Variants in HCN2 observed in about 807,000 individuals in gnomAD.
HCN2 encodes the protein hyperpolarization activated cyclic nucleotide gated potassium and sodium channel 2, also known as potassium/sodium hyperpolarization-activated cyclic nucleotide-gated channel 2.
Under a neutral mutation model 52.3 loss-of-function variants are expected in HCN2, and 20 were observed. The observed-to-expected ratio is 0.38, with a 90% CI of 0.27 to 0.56. HCN2 has a LOEUF of 0.56. Ranked by LOEUF, HCN2 falls within the 20% of genes least tolerant of loss-of-function variation. The pLI, the probability that HCN2 is intolerant of heterozygous loss-of-function variation, is 0.71. For missense variants in HCN2, 981 were observed against 1,207.7 expected, an observed-to-expected ratio of 0.81 and a Z score of 2.78; for synonymous variants, 694 against 537.0, an observed-to-expected ratio of 1.29 and a Z score of -4.04.
chr19:591,089 C>T lies in HCN2; in HGVS notation c.632+512C>T, dbSNP rs901231544. 2 of 151,828 alleles carry T rather than the reference C, an allele frequency of 1.3e-5. No individual in the cohort carries two copies. The highest frequency in any genetic ancestry group is 4.8e-5 in the African/African-American group (2 of 41,342). 9.4% of individuals were successfully genotyped at this position (151,828 alleles called of 1,614,324 possible). A position where few individuals can be genotyped will look rare whatever the true frequency, so the allele number is the denominator to read the frequency against. ...AAGCGTGCGGGTCCCCAGGCTGTGT[C>T]CCCGGGAGCCGCTCCACCCGAGCCG... On this transcript the variant is annotated intron_variant, in intron 1 of 7. Transcript: ENST00000251287. The surrounding 1 kb of genome is among the most constrained non-coding windows in gnomAD (Gnocchi z 4.1).
chr19:600,602 C>T (rs1983172426), intron 1 of HCN2, among the ~76,000 whole-genome samples: 1 of 152,030 alleles, frequency 6.6e-6, no homozygotes, highest in Non-Finnish European at 1.5e-5. Context: ...ACCTTTGCCT[C>T]CCAGAGTGCT....
At chr19:615,729 G>C in intron 7 of HCN2, 66 bp from the exon 8 acceptor site, 1 of 1,543,546 alleles carries the variant, frequency 6.5e-7, no homozygotes. Context: ...TGCAGAGTAG[G>C]TGCTCGGTGC....
chr19:609,181 G>A (rs911799187), intron 4 of HCN2, among the ~76,000 whole-genome samples: 12 of 152,176 alleles, frequency 7.9e-5, no homozygotes, highest in Non-Finnish European at 1.0e-4. Context: ...CCCGCCCGCC[G>A]TCACGGGTTC....
chr19:591,581 G>T lies in HCN2; in HGVS notation c.632+1004G>T, dbSNP rs531403077. Among the ~76,000 whole-genome samples the T allele has an allele frequency of 5.3e-5, 8 of 152,234 alleles. No homozygotes were observed. Among genetic ancestry groups the T allele is most frequent in the Admixed American group, 3.3e-4 (5 of 15,304 alleles). On this transcript the variant is annotated intron_variant, in intron 1 of 7. Coordinates refer to ENST00000251287, the MANE Select transcript of HCN2 (RefSeq NM_001194.4). This position sits in a 1 kb window ranked among gnomAD's most constrained non-coding sequence, Gnocchi z 4.1. ...TGTGTGTTTGTGTATCCACGAGTGGGGTGTGAGGTGGGGTGTGGAGGGTGC... is the reference window on the plus strand; with the variant it reads ...TGTGTGTTTGTGTATCCACGAGTGGTGTGTGAGGTGGGGTGTGGAGGGTGC...
rs572742854 is a variant in HCN2 at position 615,969 on chromosome 19, A to C, written c.2165A>C (p.Gln722Pro). Residue 722 changes from glutamine to proline, a missense_variant, in exon 8 of 8, where the codon CAG becomes CCG. Gln to Pro is a moderately conservative substitution (Grantham distance 76). Coordinates refer to ENST00000251287, the MANE Select transcript of HCN2 (RefSeq NM_001194.4). ...TTCCCGCCGCCGCCGCCGCCGCCGCAGGTCACCTCGGCCATCGCCACGCTG... is the reference window on the plus strand; with the variant it reads ...TTCCCGCCGCCGCCGCCGCCGCCGCCGGTCACCTCGGCCATCGCCACGCTG... ...GLFPPPPPPP[Q>P]VTSAIATLQQ... 8.1e-5 allele frequency: 129 copies of C among 1,599,900 alleles called. No individual in the cohort carries two copies. Among genetic ancestry groups the C allele is most frequent in the Middle Eastern group, 2.0e-4 (1 of 4,880 alleles).
Position 613,896 on chromosome 19 carries a change from G to A in HCN2, c.1870G>A (p.Ala624Thr). Residue 624 changes from alanine (A) to threonine (T), a missense_variant, in exon 7 of 8, where the codon GCT (alanine) becomes ACT (threonine). Coordinates refer to ENST00000251287, the MANE Select transcript of HCN2 (RefSeq NM_001194.4). Reference sequence around the variant, plus strand: ...GGGCCGCCGCACGGCGAGCGTGCGGGCTGACACCTACTGCCGCCTCTATTC... The same window carrying A: ...GGGCCGCCGCACGGCGAGCGTGCGGACTGACACCTACTGCCGCCTCTATTC... ...TRGRRTASVR[A>T]DTYCRLYSLS... is the part of the protein sequence containing the mutation. The A allele has an allele frequency of 1.2e-6, 2 of 1,601,306 alleles. No individual in the cohort carries two copies. The highest frequency in any genetic ancestry group is 1.7e-6 in the Non-Finnish European group (2 of 1,173,908).
At chr19:615,026 C>T (rs772867348) in intron 7 of HCN2, among the ~76,000 whole-genome samples, 3 of 152,112 alleles carry the variant, frequency 2.0e-5, no homozygotes, top group Non-Finnish European at 4.4e-5. Context: ...CAACCCGTTC[C>T]TGAGTATCAG....
At chr19:600,668 A>ACG (rs977910741) in intron 1 of HCN2, among the ~76,000 whole-genome samples, 2 of 151,784 alleles carry the variant, frequency 1.3e-5, no homozygotes, top group African/African-American at 4.8e-5. Context: ...TTTAGTAGAG[A>ACG]CGGGGTTTCA....
At chr19:605,031 G>A in intron 2 of HCN2, 30 bp from the exon 3 acceptor site, 1 of 1,600,440 alleles carries the variant, frequency 6.2e-7, no homozygotes. Context: ...GGGTCAGCGG[G>A]TAGGGTGGGC....
chr19:615,383 G>C (rs1348591005), intron 7 of HCN2, among the ~76,000 whole-genome samples: 5 of 152,172 alleles, frequency 3.3e-5, no homozygotes, highest in South Asian at 2.1e-4. Flanking sequence ...GTGTGGTGGC[G>C]GGCGCCTGTA....
intron 1 of HCN2, among the ~76,000 whole-genome samples, chr19:594,447 G>T (rs1163991602): frequency 6.6e-6 from 1 of 152,184 alleles, no homozygotes; most frequent in African/African-American, 2.4e-5. Flanking sequence ...CTTCAGCTGG[G>T]GAGGCCCCGT....
chr19:599,181 T>C (rs933209886), intron 1 of HCN2, among the ~76,000 whole-genome samples: 3 of 152,266 alleles, frequency 2.0e-5, no homozygotes. Flanking sequence ...CAAATGGCTT[T>C]TTAATTTTTT....
intron 5 of HCN2, among the ~76,000 whole-genome samples, chr19:612,782 G>A (rs1002181930): frequency 2.7e-5 from 4 of 150,478 alleles, no homozygotes; most frequent in Admixed American, 6.6e-5. Context: ...CAGGCTGGAG[G>A]GCAGTGGTGT....
chr19:604,056 A>AGAG (rs1983312305), intron 2 of HCN2, 89 bp downstream of exon 2: 50 of 973,114 alleles, frequency 5.1e-5, no homozygotes, highest in Non-Finnish European at 6.1e-5. Flanking sequence ...GCGGGGCTAT[A>AGAG]ATGGTGCATG....
Position 590,328 on chromosome 19 carries a change from G to T in HCN2, c.383G>T (p.Arg128Leu). 1 of 1,028,804 alleles carries T rather than the reference G, an allele frequency of 9.7e-7. No individual in the cohort carries two copies. The highest frequency in any genetic ancestry group is 4.4e-5 in the South Asian group (1 of 22,510). The allele number at this position is 1,028,804 out of a possible 1,614,324, so 63.7% of individuals were successfully genotyped here. ...GGGCCCAAGGTGTCGTTCTCGTGCC[G>T]CGGGGCGGCCTCGGGGCCCGCGCCG... Reference protein sequence around the residue: ...ARGPKVSFSCRGAASGPAPGP... With the variant: ...ARGPKVSFSCLGAASGPAPGP... The change falls in exon 1 of 8, where the codon CGC becomes CTC. Residue 128 changes from arginine to leucine, a missense_variant. Physicochemically the swap from Arg to Leu is moderately radical, Grantham distance 102. Transcript: ENST00000251287. This position sits in a 1 kb window ranked among gnomAD's most constrained non-coding sequence, Gnocchi z 7.2.
Position 607,284 on chromosome 19 carries a change from G to C in HCN2, c.1219-680G>C, listed in dbSNP as rs150777509. Among the ~76,000 whole-genome samples the C allele has an allele frequency of 3.5e-3, 540 of 152,372 alleles. 4 individuals are homozygous for C. The highest frequency in any genetic ancestry group is 0.012 in the African/African-American group (496 of 41,590). On this transcript the variant is annotated intron_variant, in intron 3 of 7. Transcript: ENST00000251287. ...GGGAGCCCTCGGCCGCTACAGTCAGGTTAGTGGCCAGTGAGCCTTTGTCCC... is the reference window on the plus strand; with the variant it reads ...GGGAGCCCTCGGCCGCTACAGTCAGCTTAGTGGCCAGTGAGCCTTTGTCCC...
chr19:615,462 C>T (rs1161156837), intron 7 of HCN2, among the ~76,000 whole-genome samples: 4 of 152,106 alleles, frequency 2.6e-5, no homozygotes, highest in Admixed American at 6.5e-5. Flanking sequence ...TGCAGTGGGC[C>T]GAGATCGCGC....
chr19:606,851 A>T (rs1393720371), intron 3 of HCN2, among the ~76,000 whole-genome samples: 1 of 18,240 alleles, frequency 5.5e-5, no homozygotes, highest in East Asian at 4.2e-3. Flanking sequence ...ACTTTGTCTC[A>T]AAAAAAATAA....
intron 3 of HCN2, among the ~76,000 whole-genome samples, chr19:607,470 C>G (rs1568365630): frequency 6.6e-6 from 1 of 152,248 alleles, no homozygotes; most frequent in Non-Finnish European, 1.5e-5. Context: ...CAGGCTGAGG[C>G]AGCCCATTGT....
Sources: gnomAD v4.1 joint callset for allele counts (sites outside exome capture counted in the v4.1 genomes callset) on GRCh38, gnomAD v4.1.1 for gene constraint, Gnocchi (gnomAD v3.1) non-coding constraint, MANE v1.5 for transcripts, NCBI Gene and HGNC (gene_info 2026-07-23, HGNC 2026-07-21) for gene names.